The following KIF13A variants were observed in gnomAD, a reference collection of about 807,000 sequenced individuals.
KIF13A encodes the protein kinesin family member 13A.
A neutral mutation model predicts 212.2 loss-of-function variants in KIF13A; 79 were observed. The observed-to-expected ratio is 0.37, with a 90% confidence interval of 0.31 to 0.45. The LOEUF (loss-of-function observed/expected upper bound fraction) is 0.45. KIF13A is among the 20% of genes least tolerant of loss of function. The probability of loss-of-function intolerance (pLI) is 1.00; values close to 1 mark genes in which losing one functional copy is unlikely to be tolerated. For missense variants in KIF13A, 1,901 were observed against 2,209.0 expected (o/e 0.86, Z 2.79); for synonymous variants, 789 against 808.6 (o/e 0.98, Z 0.41).
At chr6:17,862,284 G>A (rs183039741) in intron 4 of KIF13A, among the ~76,000 whole-genome samples, 1 of 152,188 alleles carries the variant, frequency 6.6e-6, no homozygotes, top group East Asian at 1.9e-4. Flanking sequence ...TACCTAAGTG[G>A]GCTACTGGGA....
In KIF13A at chr6:17,794,017, A is replaced by G. The variant is rs530966467; in HGVS notation, c.3222+232T>C. ...GCCAGATATAAAATAAAATCTGCCT[A>G]AAGTTAATGACTACTATAGCATTAG... On this transcript the variant is annotated intron_variant, in intron 25 of 38. Coordinates refer to ENST00000259711, the MANE Select transcript of KIF13A (RefSeq NM_022113.6). This position sits in a 1 kb window ranked among gnomAD's most constrained non-coding sequence, Gnocchi z 4.1. Among the ~76,000 whole-genome samples the G allele has an allele frequency of 2.0e-5, 3 of 152,330 alleles. No individual in the cohort carries two copies. Among genetic ancestry groups the G allele is most frequent in the Admixed American group, 1.3e-4 (2 of 15,298 alleles).
At chr6:17,841,992 T>C (rs997446729) in intron 9 of KIF13A, among the ~76,000 whole-genome samples, 1 of 134,282 alleles carries the variant, frequency 7.4e-6, no homozygotes, top group Non-Finnish European at 1.6e-5. Flanking sequence ...TATGTGTATA[T>C]ACACATACGT....
rs1765160682 is a variant in KIF13A, at chr6:17,828,458, G to C, written c.1402-88C>G. 9.2e-7 allele frequency: 1 copy of C among 1,087,470 alleles called. No individual in the cohort carries two copies. Among genetic ancestry groups the C allele is most frequent in the Admixed American group, 2.7e-5 (1 of 36,512 alleles). 67.4% of individuals were successfully genotyped at this position (1,087,470 alleles called of 1,614,324 possible). On this transcript the variant is annotated intron_variant, in intron 13 of 38. Transcript: ENST00000259711. The surrounding 1 kb of genome is among the most constrained non-coding windows in gnomAD (Gnocchi z 4.3). ...CACAATCAATTTGAATAACGCAGCA[G>C]CATATGCACAAAAATATTAAACGAA...
chr6:17,817,024 C>T lies in KIF13A; in HGVS notation c.1996G>A (p.Glu666Lys). The change falls in exon 17 of 39, where the codon GAG (glutamate) becomes AAG (lysine). Residue 666 changes from glutamate (E) to lysine (K), a missense_variant. Around this residue, in one of 5 missense-constraint regions of KIF13A, gnomAD observed 534 missense variants for 536.9 expected, o/e 0.99. Coordinates refer to ENST00000259711, the MANE Select transcript of KIF13A (RefSeq NM_022113.6). Reference protein sequence around the residue: ...AQQKVTQWAEERDELFRQSLA... With the variant: ...AQQKVTQWAEKRDELFRQSLA... Reference sequence around the variant, plus strand: ...TGCCCCCGCTGCAGTTCTTACCTCTCTTCTGCCCACTGGGTCACCTTCTGC... The same window carrying T: ...TGCCCCCGCTGCAGTTCTTACCTCTTTTCTGCCCACTGGGTCACCTTCTGC... 1.2e-6 allele frequency: 2 copies of T among 1,610,188 alleles called. No individual in the cohort carries two copies. Among genetic ancestry groups the T allele is most frequent in the Non-Finnish European group, 1.7e-6 (2 of 1,178,938 alleles).
At chr6:17,780,076 C>A (rs1383809726) in intron 31 of KIF13A, among the ~76,000 whole-genome samples, 3 of 152,164 alleles carry the variant, frequency 2.0e-5, no homozygotes, top group African/African-American at 4.8e-5. Flanking sequence ...ATTGTAGAAG[C>A]ATTACAAGTT....
chr6:17,810,899 G>A (rs1050592689), intron 17 of KIF13A, among the ~76,000 whole-genome samples: 4 of 152,170 alleles, frequency 2.6e-5, no homozygotes, highest in African/African-American at 9.7e-5. Context: ...ATGAAGCTTC[G>A]CTTGCTGGCC....
Position 17,783,776 on chromosome 6 carries a change from G to C in KIF13A, c.3489-75C>G. 1 of 956,028 alleles carries C rather than the reference G, an allele frequency of 1.0e-6. No individual in the cohort carries two copies. The highest frequency in any genetic ancestry group is 1.6e-6 in the Non-Finnish European group (1 of 607,722). The allele number at this position is 956,028 out of a possible 1,614,324, so 59.2% of individuals were successfully genotyped here. A position where few individuals can be genotyped will look rare whatever the true frequency, so the allele number is the denominator to read the frequency against. The stretch of plus-strand genomic sequence containing the variant: ...TTGTTAGCTGATAAAACACCACAGA[G>C]CTGTGGAAGCAAAGAGAACCATGGT... On this transcript the variant is annotated intron_variant, in intron 28 of 38. Coordinates refer to ENST00000259711, the MANE Select transcript of KIF13A (RefSeq NM_022113.6). This position sits in a 1 kb window ranked among gnomAD's most constrained non-coding sequence, Gnocchi z 4.3.
intron 2 of KIF13A, among the ~76,000 whole-genome samples, chr6:17,924,215 C>T (rs956737984): frequency 6.6e-6 from 1 of 152,092 alleles, no homozygotes; most frequent in African/African-American, 2.4e-5. Context: ...TTCACGTGCT[C>T]AAAAAAGCCA....
rs537007201 is a variant in KIF13A, at chr6:17,836,480, G to A, written c.1155+398C>T. ...ACAGAGTATGGTATTACTCATGTTG[G>A]TCCTCACAATGCTTAGCATTTGGCA... On this transcript the variant is annotated intron_variant, in intron 11 of 38. Transcript: ENST00000259711. Among the ~76,000 whole-genome samples, 487 of 152,300 alleles carry A rather than the reference G, an allele frequency of 3.2e-3. 2 individuals are homozygous for A. Among genetic ancestry groups the A allele is most frequent in the Non-Finnish European group, 5.1e-3 (350 of 68,026 alleles).
At chr6:17,831,794 G>T (rs1457505083) in intron 12 of KIF13A, among the ~76,000 whole-genome samples, 1 of 149,732 alleles carries the variant, frequency 6.7e-6, no homozygotes, top group Non-Finnish European at 1.5e-5. Context: ...GAGAAGGTTG[G>T]GTCTCTACTG....
chr6:17,812,478 A>T (rs1010002055), intron 17 of KIF13A: 4 of 152,212 alleles, frequency 2.6e-5, no homozygotes, highest in African/African-American at 9.7e-5. Flanking sequence ...GATGGCCGCC[A>T]GTTCCATCCA....
rs1219832824 is a variant in KIF13A at position 17,883,166 on chromosome 6, C to T, written c.160-9729G>A. On this transcript the variant is annotated intron_variant, in intron 3 of 38. Transcript: ENST00000259711. This position sits in a 1 kb window ranked among gnomAD's most constrained non-coding sequence, Gnocchi z 4.8. The stretch of plus-strand genomic sequence containing the variant: ...CTTGAAGCCAAGAGTTCAAGACCAG[C>T]CTGGGCAACATAGTCTCTACAAAAA... Among the ~76,000 whole-genome samples the T allele has an allele frequency of 6.6e-6, 1 of 152,030 alleles. No homozygotes were observed. Among genetic ancestry groups the T allele is most frequent in the African/African-American group, 2.4e-5 (1 of 41,400 alleles).
At chr6:17,976,129 C>T (rs1374474045) in intron 2 of KIF13A, among the ~76,000 whole-genome samples, 1 of 152,248 alleles carries the variant, frequency 6.6e-6, no homozygotes, top group Non-Finnish European at 1.5e-5. Flanking sequence ...CAGCTGGCTT[C>T]ACCCAGTGGA....
At chr6:17,959,994 C>T (rs1420459894) in intron 2 of KIF13A, among the ~76,000 whole-genome samples, 2 of 151,676 alleles carry the variant, frequency 1.3e-5, no homozygotes, top group Non-Finnish European at 1.5e-5. Context: ...TCCACTCAAG[C>T]CTGGGCAATA....
rs1760132402 is a variant in KIF13A, at chr6:17,777,762, C to T, written c.4093-408G>A. ...TTAAATATAGACTGCATCAGTTCTACATACATACACATTTATAAAACTGAA... is the reference window on the plus strand; with the variant it reads ...TTAAATATAGACTGCATCAGTTCTATATACATACACATTTATAAAACTGAA... On this transcript the variant is annotated intron_variant, in intron 33 of 38. Coordinates refer to ENST00000259711, the MANE Select transcript of KIF13A (RefSeq NM_022113.6). The surrounding 1 kb of genome is among the most constrained non-coding windows in gnomAD (Gnocchi z 4.4). Among the ~76,000 whole-genome samples the T allele has an allele frequency of 1.3e-5, 2 of 152,164 alleles. No homozygotes were observed. Among genetic ancestry groups the T allele is most frequent in the Non-Finnish European group, 2.9e-5 (2 of 68,024 alleles).
At chr6:17,847,375 T>C (rs1349039941) in intron 9 of KIF13A, among the ~76,000 whole-genome samples, 2 of 152,228 alleles carry the variant, frequency 1.3e-5, no homozygotes, top group African/African-American at 4.8e-5. Flanking sequence ...CAAAATCCTT[T>C]GTTATCAGAG....
Position 17,918,008 on chromosome 6 carries a change from T to C in KIF13A, c.147-19828A>G, listed in dbSNP as rs946688078. Among the ~76,000 whole-genome samples, 4 of 152,044 alleles carry C rather than the reference T, an allele frequency of 2.6e-5. No homozygotes were observed. Among genetic ancestry groups the C allele is most frequent in the Non-Finnish European group, 4.4e-5 (3 of 68,000 alleles). ...CCAGAGAGGCATTCCCTGACCTTCC[T>C]GTCCTGGAATTCTGTTTCCTCGTGG... On this transcript the variant is annotated intron_variant, in intron 2 of 38. Coordinates refer to ENST00000259711, the MANE Select transcript of KIF13A (RefSeq NM_022113.6). This position sits in a 1 kb window ranked among gnomAD's most constrained non-coding sequence, Gnocchi z 4.8.
Position 17,880,583 on chromosome 6 carries a change from G to A in KIF13A, c.160-7146C>T, listed in dbSNP as rs987107599. On this transcript the variant is annotated intron_variant, in intron 3 of 38. Transcript: ENST00000259711. ...GCGGAGGTTGCAGTGAGCCAAGATC[G>A]CACCATTGCACTCCAGCCCAGGTGA... is the stretch of plus-strand genomic sequence containing the variant. 8.7e-5 allele frequency among the ~76,000 whole-genome samples: 12 copies of A among 137,184 alleles called. No homozygotes were observed. In the East Asian group the frequency reaches 1.3e-3, roughly 15 times the overall value. 90.0% of individuals were successfully genotyped at this position (137,184 alleles called of 152,430 possible).
intron 2 of KIF13A, among the ~76,000 whole-genome samples, chr6:17,905,534 G>C (rs1773418893): frequency 6.6e-6 from 1 of 152,144 alleles, no homozygotes; most frequent in Admixed American, 6.5e-5. Flanking sequence ...TAGTCTTTTT[G>C]TCTTTCAAAC....
Sources: allele counts gnomAD v4.1 joint callset (sites outside exome capture counted in the v4.1 genomes callset), GRCh38; gene constraint gnomAD v4.1.1; regional missense constraint gnomAD v4.1.1; non-coding constraint Gnocchi (gnomAD v3.1); transcripts MANE v1.5; gene names NCBI Gene and HGNC (gene_info 2026-07-23, HGNC 2026-07-21).